The following RNGTT variants were observed in gnomAD, a reference collection of about 807,000 sequenced individuals.
RNGTT encodes the protein mRNA-capping enzyme.
Under a neutral mutation model 79.3 loss-of-function variants are expected in RNGTT, and 33 were observed. The ratio of observed to expected loss-of-function variants is 0.42; its 90% CI spans 0.32 to 0.56. RNGTT has a LOEUF of 0.56. Among genes scored for constraint, RNGTT ranks in the 20% least tolerant of loss-of-function variants. RNGTT has a pLI of 0.17. For synonymous variants in RNGTT, 222 were observed against 235.9 expected, an observed-to-expected ratio of 0.94 and a Z score of 0.54; for missense variants, 497 against 739.1, an observed-to-expected ratio of 0.67 and a Z score of 3.80.
At chr6:88,790,630 T>G (rs1419045745) in intron 12 of RNGTT, among the ~76,000 whole-genome samples, 1 of 148,566 alleles carries the variant, frequency 6.7e-6, no homozygotes, top group East Asian at 1.9e-4. Flanking sequence ...AATTTAAAAA[T>G]AAAAGAAAAA....
At chr6:88,634,459 G>C (rs1347133188) in intron 14 of RNGTT, among the ~76,000 whole-genome samples, 1 of 152,088 alleles carries the variant, frequency 6.6e-6, no homozygotes, top group African/African-American at 2.4e-5. Context: ...AATATGACTT[G>C]CCAAATTAGT....
chr6:88,703,119 A>G (rs2127802770), intron 13 of RNGTT, among the ~76,000 whole-genome samples: 1 of 152,378 alleles, frequency 6.6e-6, no homozygotes, highest in East Asian at 1.9e-4. Context: ...AAAGTAGCTC[A>G]GCCACTGTAG....
At chr6:88,614,519 T>C (rs1772149522) in intron 14 of RNGTT, 124 bp from the exon 15 acceptor site, 1 of 874,466 alleles carries the variant, frequency 1.1e-6, no homozygotes, top group Non-Finnish European at 1.8e-6. Context: ...AGAGAGCTCT[T>C]TGTCATCTGA....
chr6:88,906,298 G>C, intron 5 of RNGTT, 67 bp downstream of exon 5: 1 of 1,002,224 alleles, frequency 1.0e-6, no homozygotes, highest in Non-Finnish European at 1.5e-6. Flanking sequence ...ACAAAATTCT[G>C]CAACTAAAAT....
rs550302831 is a variant in RNGTT, at chr6:88,625,816, G to A, written c.1507-11421C>T. ...AAGTAATTTCAATCACGTCATCCTT[G>A]TCAGTGGCTTCCCATTACAAAGCAC... On this transcript the variant is annotated intron_variant, in intron 14 of 15. Transcript: ENST00000369485. Among the ~76,000 whole-genome samples the A allele has an allele frequency of 3.3e-5, 5 of 152,010 alleles. No individual in the cohort carries two copies. The South Asian group carries it at 8.3e-4, about 25-fold the overall frequency.
chr6:88,864,087 C>T (rs1016257485), intron 8 of RNGTT, among the ~76,000 whole-genome samples: 2 of 152,112 alleles, frequency 1.3e-5, no homozygotes, highest in African/African-American at 2.4e-5. Context: ...ACTACACCAG[C>T]CTGTCTCAAA....
In RNGTT at chr6:88,888,292, GAAGT is replaced by G. The variant is rs563414499; in HGVS notation, c.896+2199_896+2202del. ...GTTTTCCACTCTTTCTCCACCCACA[GAAGT>G]AAGACATTTGTTAAGACATTTTTAC... On this transcript the variant is annotated intron_variant, in intron 8 of 15. Coordinates refer to ENST00000369485, the MANE Select transcript of RNGTT (RefSeq NM_003800.5). 5.0e-3 allele frequency among the ~76,000 whole-genome samples: 762 copies of G among 152,214 alleles called. 5 individuals carry two copies. Among genetic ancestry groups the G allele is most frequent in the African/African-American group, 0.017 (699 of 41,514 alleles).
intron 13 of RNGTT, among the ~76,000 whole-genome samples, chr6:88,744,418 C>G (rs9353598): frequency 0.14 from 21,085 of 151,982 alleles, 1,604 homozygotes; most frequent in Middle Eastern, 0.24. Flanking sequence ...CGCACCAGCA[C>G]GCCCGGCTAA....
At chr6:88,723,682 C>G (rs1582383694) in intron 13 of RNGTT, among the ~76,000 whole-genome samples, 1 of 151,966 alleles carries the variant, frequency 6.6e-6, no homozygotes, top group East Asian at 1.9e-4. Flanking sequence ...ATAAGGATAT[C>G]AAGAAAGAAA....
intron 12 of RNGTT, among the ~76,000 whole-genome samples, chr6:88,779,210 T>C (rs1313737104): frequency 6.6e-6 from 1 of 152,166 alleles, no homozygotes; most frequent in African/African-American, 2.4e-5. Flanking sequence ...AGAGTAAGTT[T>C]GTGTAGCTTG....
intron 1 of RNGTT, among the ~76,000 whole-genome samples, chr6:88,960,181 A>G (rs1458451963): frequency 6.6e-6 from 1 of 152,112 alleles, no homozygotes; most frequent in Non-Finnish European, 1.5e-5. Flanking sequence ...CTCCCATGAG[A>G]CTCTGCTTTT....
At position 88,744,670 on chromosome 6, in the gene RNGTT, GT is replaced by G. The variant is rs1224710805; in HGVS notation, c.1439+25103del. Among the ~76,000 whole-genome samples the G allele has an allele frequency of 3.4e-5, 5 of 148,616 alleles. No homozygotes were observed. In the East Asian group the frequency reaches 5.8e-4, roughly 17 times the overall value. On this transcript the variant is annotated intron_variant, in intron 13 of 15. Transcript: ENST00000369485. ...TGATTTCTGCTATTACATATGAATA[GT>G]TTTTTATGCTATGATATGAGGTTGA...
intron 8 of RNGTT, among the ~76,000 whole-genome samples, chr6:88,869,644 T>A (rs2127919556): frequency 6.6e-6 from 1 of 152,276 alleles, no homozygotes; most frequent in Non-Finnish European, 1.5e-5. Flanking sequence ...AATCAAACTA[T>A]TAGAAATTAA....
At chr6:88,946,063 T>G (rs1052683461) in intron 1 of RNGTT, among the ~76,000 whole-genome samples, 2 of 152,248 alleles carry the variant, frequency 1.3e-5, no homozygotes, top group African/African-American at 2.4e-5. Context: ...TACTTTGCTT[T>G]ACTGTAATTC....
intron 8 of RNGTT, among the ~76,000 whole-genome samples, chr6:88,870,434 C>A (rs573738428): frequency 9.2e-5 from 14 of 151,596 alleles, no homozygotes; most frequent in Admixed American, 3.3e-4. Context: ...ATAAATTTCA[C>A]TGCCTATAAA....
rs574259981 is a variant in RNGTT, at chr6:88,644,468, T to C, written c.1507-30073A>G. On this transcript the variant is annotated intron_variant, in intron 14 of 15. Coordinates refer to ENST00000369485, the MANE Select transcript of RNGTT (RefSeq NM_003800.5). ...TTCCTTCTGAAACTATTCCAATCAA[T>C]AGAAAAAGAGGGAATCCTCCCTAAC... Among the ~76,000 whole-genome samples the C allele has an allele frequency of 9.9e-5, 15 of 152,022 alleles. No homozygotes were observed. In the East Asian group the frequency reaches 1.2e-3, roughly 12 times the overall value.
At chr6:88,695,583 T>C (rs1399157917) in intron 13 of RNGTT, among the ~76,000 whole-genome samples, 2 of 152,146 alleles carry the variant, frequency 1.3e-5, no homozygotes, top group Non-Finnish European at 2.9e-5. Flanking sequence ...TATGGAAAAC[T>C]ATATAGAGGT....
chr6:88,638,885 T>G (rs1047856082), intron 14 of RNGTT, among the ~76,000 whole-genome samples: 1 of 152,172 alleles, frequency 6.6e-6, no homozygotes, highest in African/African-American at 2.4e-5. Flanking sequence ...TAAGCAACAT[T>G]TGAAAACTTC....
chr6:88,867,485 A>G (rs1363815080), intron 8 of RNGTT, among the ~76,000 whole-genome samples: 4 of 152,178 alleles, frequency 2.6e-5, no homozygotes, highest in African/African-American at 9.7e-5. Context: ...TCCATCTCAA[A>G]AAAGAAAAAG....
Sources: gnomAD v4.1 joint callset for allele counts (sites outside exome capture counted in the v4.1 genomes callset) on GRCh38, gnomAD v4.1.1 for gene constraint, MANE v1.5 for transcripts, NCBI Gene and HGNC (gene_info 2026-07-23, HGNC 2026-07-21) for gene names.